Variants in PCDH9 observed in about 807,000 individuals in gnomAD.
PCDH9 encodes protocadherin 9.
In PCDH9, 24 loss-of-function variants were observed where a neutral mutation model predicts 70.6. The ratio of observed to expected loss-of-function variants is 0.34; its 90% CI spans 0.25 to 0.48. The LOEUF (loss-of-function observed/expected upper bound fraction) is 0.48. Ranked by LOEUF, PCDH9 falls within the 20% of genes least tolerant of loss-of-function variation. The probability of loss-of-function intolerance (pLI) is 0.99; values close to 1 mark genes in which losing one functional copy is unlikely to be tolerated. For missense variants in PCDH9, 1,281 were observed against 1,503.6 expected, an observed-to-expected ratio of 0.85 and a Z score of 2.45; for synonymous variants, 562 against 558.5, an observed-to-expected ratio of 1.01 and a Z score of -0.09.
intron 2 of PCDH9, among the ~76,000 whole-genome samples, chr13:66,940,889 G>A (rs73505304): frequency 0.031 from 4,673 of 151,914 alleles, 223 homozygotes; most frequent in African/African-American, 0.11. Context: ...CTGTGGAGGT[G>A]TTTTCCCACA....
chr13:67,036,985 TG>T (rs2085022218), intron 2 of PCDH9, among the ~76,000 whole-genome samples: 1 of 152,186 alleles, frequency 6.6e-6, no homozygotes, highest in South Asian at 2.1e-4. Context: ...AACTATATTA[TG>T]GGTTGTAAAT....
intron 2 of PCDH9, among the ~76,000 whole-genome samples, chr13:67,088,565 C>T (rs1403920190): frequency 6.6e-6 from 1 of 151,946 alleles, no homozygotes; most frequent in Non-Finnish European, 1.5e-5. Flanking sequence ...AAACATCTGA[C>T]AGATTGGCCA....
At chr13:67,093,456 A>G (rs2086258717) in intron 2 of PCDH9, among the ~76,000 whole-genome samples, 1 of 152,030 alleles carries the variant, frequency 6.6e-6, no homozygotes, top group Admixed American at 6.6e-5. Flanking sequence ...CTCCATCTCA[A>G]ATAATAATAA....
chr13:66,684,789 A>C (rs1050973574), intron 3 of PCDH9, among the ~76,000 whole-genome samples: 2 of 152,156 alleles, frequency 1.3e-5, no homozygotes, highest in South Asian at 2.1e-4. Context: ...AGCTCTAAAG[A>C]TACTTGAAAA....
intron 3 of PCDH9, among the ~76,000 whole-genome samples, chr13:66,862,004 T>C (rs1472798632): frequency 6.6e-6 from 1 of 152,214 alleles, no homozygotes; most frequent in Non-Finnish European, 1.5e-5. Flanking sequence ...AAATGAGAAT[T>C]CCATAACCTA....
intron 4 of PCDH9, among the ~76,000 whole-genome samples, chr13:66,501,204 G>C (rs1054270139): frequency 6.6e-6 from 1 of 152,016 alleles, no homozygotes; most frequent in Admixed American, 6.6e-5. Context: ...GAAATTAATG[G>C]AATTTTTGAA....
rs1446283488 is a variant in PCDH9, at chr13:67,200,216, C to T, written c.3036+25189G>A. Among the ~76,000 whole-genome samples the T allele has an allele frequency of 2.6e-5, 4 of 151,918 alleles. No homozygotes were observed. In the East Asian group the frequency reaches 5.8e-4, roughly 22 times the overall value. On this transcript the variant is annotated intron_variant, in intron 2 of 4. Coordinates refer to ENST00000377865, the MANE Select transcript of PCDH9 (RefSeq NM_203487.3). Reference sequence around the variant, plus strand: ...TTAATTAGTATCTAAATAAAATAATCCACAAACTGGGAGAGTTATTTTCTA... The same window carrying T: ...TTAATTAGTATCTAAATAAAATAATTCACAAACTGGGAGAGTTATTTTCTA...
At chr13:66,424,589 A>G (rs1369297688) in intron 4 of PCDH9, among the ~76,000 whole-genome samples, 3 of 151,984 alleles carry the variant, frequency 2.0e-5, no homozygotes, top group Non-Finnish European at 4.4e-5. Flanking sequence ...ATAGCTGATG[A>G]CAACACTGCA....
intron 2 of PCDH9, among the ~76,000 whole-genome samples, chr13:67,182,800 C>G (rs1170253537): frequency 6.6e-6 from 1 of 152,104 alleles, no homozygotes; most frequent in Non-Finnish European, 1.5e-5. Context: ...GTACCCTCTT[C>G]CTTTACATGC....
chr13:66,925,996 GT>G (rs1295641440), intron 2 of PCDH9, among the ~76,000 whole-genome samples: 2 of 151,904 alleles, frequency 1.3e-5, no homozygotes, highest in African/African-American at 4.8e-5. Flanking sequence ...AATAACCAAA[GT>G]ATGAGTTTAA....
intron 2 of PCDH9, 159 bp downstream of exon 2, chr13:67,225,246 G>C: frequency 7.9e-7 from 1 of 1,267,056 alleles, no homozygotes; most frequent in South Asian, 1.8e-5. Context: ...AAAAATTCTT[G>C]ACTGAGCCCC....
intron 4 of PCDH9, among the ~76,000 whole-genome samples, chr13:66,357,495 A>AT (rs200628512): frequency 6.6e-5 from 10 of 151,448 alleles, no homozygotes; most frequent in South Asian, 4.2e-4. Flanking sequence ...TTATCAACTA[A>AT]TTTTTTTTTG....
intron 3 of PCDH9, among the ~76,000 whole-genome samples, chr13:66,706,059 C>T (rs747562870): frequency 6.6e-6 from 1 of 152,134 alleles, no homozygotes; most frequent in Non-Finnish European, 1.5e-5. Flanking sequence ...AGACAGCTAA[C>T]ACTATGTAAA....
At chr13:66,990,443 T>C (rs570517687) in intron 2 of PCDH9, among the ~76,000 whole-genome samples, 1 of 151,476 alleles carries the variant, frequency 6.6e-6, no homozygotes, top group South Asian at 2.1e-4. Flanking sequence ...TACATATACA[T>C]ATAGGTTAGG....
At chr13:67,000,358 C>G (rs866610997) in intron 2 of PCDH9, among the ~76,000 whole-genome samples, 15 of 150,246 alleles carry the variant, frequency 1.0e-4, no homozygotes, top group Non-Finnish European at 1.5e-4. Flanking sequence ...GGAGGGATAG[C>G]ACTAGGAGAT....
At chr13:66,684,275 T>C (rs192197519) in intron 3 of PCDH9, among the ~76,000 whole-genome samples, 208 of 152,324 alleles carry the variant, frequency 1.4e-3, no homozygotes, top group African/African-American at 4.8e-3. Context: ...AAATTGATCA[T>C]TTCTCTGATT....
At chr13:66,934,740 A>G (rs1401155543) in intron 2 of PCDH9, among the ~76,000 whole-genome samples, 2 of 57,328 alleles carry the variant, frequency 3.5e-5, no homozygotes, top group Non-Finnish European at 6.0e-5. Flanking sequence ...TTTTTTTTTG[A>G]GACGGAGTCT....
intron 4 of PCDH9, among the ~76,000 whole-genome samples, chr13:66,438,973 T>C (rs556053335): frequency 2.6e-5 from 4 of 152,256 alleles, no homozygotes; most frequent in African/African-American, 9.6e-5. Context: ...CAAAATAGGC[T>C]TAAAGTAAGG....
At chr13:66,432,092 T>G (rs1957781507) in intron 4 of PCDH9, among the ~76,000 whole-genome samples, 1 of 152,052 alleles carries the variant, frequency 6.6e-6, no homozygotes, top group African/African-American at 2.4e-5. Context: ...ACATTTAAGC[T>G]AAACTGGGTA....
Sources: gnomAD v4.1 joint callset for allele counts (sites outside exome capture counted in the v4.1 genomes callset) on GRCh38, gnomAD v4.1.1 for gene constraint, MANE v1.5 for transcripts, NCBI Gene and HGNC (gene_info 2026-07-23, HGNC 2026-07-21) for gene names.